Variants in UGGT2 observed in about 807,000 individuals in gnomAD.
UGGT2 encodes the protein UDP-glucose:glycoprotein glucosyltransferase 2.
UGGT2 carries 180 observed loss-of-function variants against 192.1 expected under a neutral mutation model. The ratio of observed to expected loss-of-function variants is 0.94; its 90% CI spans 0.83 to 1.06. UGGT2 has a LOEUF of 1.06. Among genes scored for constraint, UGGT2 ranks in the 50% least tolerant of loss-of-function variants. The probability of loss-of-function intolerance (pLI) is 0.00; values close to 1 mark genes in which losing one functional copy is unlikely to be tolerated. For synonymous variants in UGGT2, 580 were observed against 591.0 expected (o/e 0.98, Z 0.27); for missense variants, 1,849 against 1,795.7 (o/e 1.03, Z -0.54).
intron 38 of UGGT2, chr13:95,809,560 TG>T (rs1027326578): frequency 3.2e-6 from 1 of 311,228 alleles, no homozygotes; most frequent in African/African-American, 2.2e-5. Flanking sequence ...TCTCCTCTCA[TG>T]AGCTACTCCT....
chr13:95,940,358 A>T (rs2049628448), intron 15 of UGGT2, among the ~76,000 whole-genome samples: 1 of 151,832 alleles, frequency 6.6e-6, no homozygotes, highest in Non-Finnish European at 1.5e-5. Context: ...TTAATAAAAT[A>T]ATGATTACCT....
intron 1 of UGGT2, among the ~76,000 whole-genome samples, chr13:96,036,356 G>C (rs1240803338): frequency 2.0e-5 from 3 of 152,106 alleles, no homozygotes; most frequent in Non-Finnish European, 4.4e-5. Flanking sequence ...TGAATGATGA[G>C]AACACATGGA....
intron 17 of UGGT2, among the ~76,000 whole-genome samples, chr13:95,934,421 C>T (rs1281409552): frequency 1.3e-5 from 2 of 152,196 alleles, no homozygotes; most frequent in African/African-American, 4.8e-5. Flanking sequence ...TGTTAGTTTT[C>T]TGCCTCGATA....
At chr13:95,988,884 A>G (rs900824200) in intron 8 of UGGT2, among the ~76,000 whole-genome samples, 18 of 152,302 alleles carry the variant, frequency 1.2e-4, no homozygotes, top group South Asian at 1.0e-3. Flanking sequence ...CTTAAATAAG[A>G]TAGTTTATAT....
chr13:95,832,269 A>C (rs1421725316), intron 38 of UGGT2, among the ~76,000 whole-genome samples: 1 of 152,070 alleles, frequency 6.6e-6, no homozygotes, highest in African/African-American at 2.4e-5. Flanking sequence ...TTTAAGAAAG[A>C]GTGAAGAATA....
rs565979471 is a variant in UGGT2 at position 95,961,192 on chromosome 13, G to C, written c.1335+8920C>G. ...TGTTAAAGAGAGAGAGAGAGAAACA[G>C]AGAACACACAAAATAAACAGAAATC... On this transcript the variant is annotated intron_variant, in intron 12 of 38. Transcript: ENST00000376747. 1.4e-4 allele frequency among the ~76,000 whole-genome samples: 21 copies of C among 151,848 alleles called. No individual in the cohort carries two copies. The East Asian group carries it at 2.3e-3, about 17-fold the overall frequency.
intron 29 of UGGT2, 113 bp from the exon 30 acceptor site, chr13:95,867,536 T>C (rs988860112): frequency 9.1e-5 from 64 of 706,320 alleles, no homozygotes; most frequent in Non-Finnish European, 1.3e-4. Context: ...CACTAGTGCA[T>C]ATATCATGTT....
At chr13:95,880,669 G>A (rs2140177639) in intron 27 of UGGT2, among the ~76,000 whole-genome samples, 1 of 152,266 alleles carries the variant, frequency 6.6e-6, no homozygotes, top group Admixed American at 6.5e-5. Flanking sequence ...GTTTTAAACT[G>A]TGCACTGTTC....
chr13:95,904,157 T>A lies in UGGT2; in HGVS notation c.2296-1097A>T, dbSNP rs150668634. Among the ~76,000 whole-genome samples, 394 of 152,252 alleles carry A rather than the reference T, an allele frequency of 2.6e-3. 1 individual carries two copies. Among genetic ancestry groups the A allele is most frequent in the African/African-American group, 8.0e-3 (334 of 41,560 alleles). ...TATGGCTTGTTTTGTAGTGTACTGA[T>A]GATGTGTTATAATGGGAAGCAGTCC... On this transcript the variant is annotated intron_variant, in intron 20 of 38. Transcript: ENST00000376747.
intron 29 of UGGT2, among the ~76,000 whole-genome samples, chr13:95,868,377 C>T (rs1890874252): frequency 1.3e-5 from 2 of 152,008 alleles, no homozygotes; most frequent in East Asian, 3.9e-4. Flanking sequence ...GGGAGAATCG[C>T]TTGAGTCTAG....
At chr13:95,930,806 T>C (rs2140467525) in intron 17 of UGGT2, among the ~76,000 whole-genome samples, 1 of 152,304 alleles carries the variant, frequency 6.6e-6, no homozygotes, top group Middle Eastern at 3.4e-3. Flanking sequence ...TTCCTTCTGA[T>C]GTTCAGATGT....
Position 95,977,351 on chromosome 13 carries a change from A to G in UGGT2, c.1093-4680T>C, listed in dbSNP as rs1276750268. 4.6e-5 allele frequency among the ~76,000 whole-genome samples: 7 copies of G among 152,324 alleles called. No homozygotes were observed. The South Asian group carries it at 1.4e-3, about 32-fold the overall frequency. On this transcript the variant is annotated intron_variant, in intron 10 of 38. Coordinates refer to ENST00000376747, the MANE Select transcript of UGGT2 (RefSeq NM_020121.4). ...ATCTACAAGGAACTTAAACAAATTT[A>G]CAAGAAAAAACAAACAACTCCATCA...
rs1445006144 is a variant in UGGT2, at chr13:95,864,132, TTGAG to T, written c.3559-422_3559-419del. 2.0e-5 allele frequency among the ~76,000 whole-genome samples: 3 copies of T among 152,162 alleles called. No homozygotes were observed. In the East Asian group the frequency reaches 5.8e-4, roughly 29 times the overall value. ...AATGTGTTTATCTTCGGTTCTTCTA[TTGAG>T]TATTTTTTGTCACTTTAAATAATAT... On this transcript the variant is annotated intron_variant, in intron 30 of 38. Coordinates refer to ENST00000376747, the MANE Select transcript of UGGT2 (RefSeq NM_020121.4).
chr13:95,898,744 T>C (rs569116721), intron 22 of UGGT2, among the ~76,000 whole-genome samples: 1 of 152,112 alleles, frequency 6.6e-6, no homozygotes, highest in Non-Finnish European at 1.5e-5. Flanking sequence ...TGTAGGAACA[T>C]AGCACTCATC....
In UGGT2 at chr13:95,859,190, T is replaced by C. The variant is rs1889913759; in HGVS notation, c.3825+401A>G. On this transcript the variant is annotated intron_variant, in intron 33 of 38. Coordinates refer to ENST00000376747, the MANE Select transcript of UGGT2 (RefSeq NM_020121.4). ...AGACGAAAGAGCTTTTTTGTTTCAG[T>C]ACTGTAAAACTATTTTCTACGGTAT... Among the ~76,000 whole-genome samples, 4 of 152,174 alleles carry C rather than the reference T, an allele frequency of 2.6e-5. No individual in the cohort carries two copies. In the South Asian group the frequency reaches 8.3e-4, roughly 32 times the overall value.
chr13:95,968,244 G>T (rs189287697), intron 12 of UGGT2, among the ~76,000 whole-genome samples: 23 of 151,920 alleles, frequency 1.5e-4, no homozygotes, highest in Middle Eastern at 3.4e-3. Flanking sequence ...GGACATAATG[G>T]TAAGAGAAAA....
chr13:96,042,307 A>G (rs1292875488), intron 1 of UGGT2, among the ~76,000 whole-genome samples: 2 of 152,192 alleles, frequency 1.3e-5, no homozygotes, highest in Non-Finnish European at 2.9e-5. Flanking sequence ...CATCTGTAGG[A>G]AAAGAAGGAG....
rs1264211615 is a variant in UGGT2, at chr13:95,909,017, T to C, written c.2296-5957A>G. Among the ~76,000 whole-genome samples, 19 of 151,224 alleles carry C rather than the reference T, an allele frequency of 1.3e-4. 1 individual carries two copies. In the South Asian group the frequency reaches 1.3e-3, roughly 10 times the overall value. On this transcript the variant is annotated intron_variant, in intron 20 of 38. Coordinates refer to ENST00000376747, the MANE Select transcript of UGGT2 (RefSeq NM_020121.4). ...TTTTGGTGTTTTAGACATGAAGTCC[T>C]TGCCCATGCCTATGTCCTGAATGGT...
intron 38 of UGGT2, among the ~76,000 whole-genome samples, chr13:95,803,183 AG>A (rs1479966453): frequency 6.6e-6 from 1 of 152,188 alleles, no homozygotes; most frequent in African/African-American, 2.4e-5. Context: ...TATTCTTGAA[AG>A]AAAATTGAAC....
Sources: allele counts gnomAD v4.1 joint callset (sites outside exome capture counted in the v4.1 genomes callset), GRCh38; gene constraint gnomAD v4.1.1; transcripts MANE v1.5; gene names NCBI Gene and HGNC (gene_info 2026-07-23, HGNC 2026-07-21).